DLG2: variants seen among roughly 807,000 people sequenced by gnomAD.
The protein encoded by DLG2 is disks large homolog 2.
Under a neutral mutation model 132.5 loss-of-function variants are expected in DLG2, and 45 were observed. The observed-to-expected ratio is 0.34, with a 90% CI of 0.27 to 0.44. The LOEUF (loss-of-function observed/expected upper bound fraction) is 0.44. DLG2 is among the 20% of genes least tolerant of loss of function. The pLI, the probability that DLG2 is intolerant of heterozygous loss-of-function variation, is 1.00. For missense variants in DLG2, 1,045 were observed against 1,196.9 expected (o/e 0.87, Z 1.87); for synonymous variants, 424 against 419.6 (o/e 1.01, Z -0.13).
At chr11:83,672,475 C>G (rs913089742) in intron 18 of DLG2, among the ~76,000 whole-genome samples, 1 of 152,144 alleles carries the variant, frequency 6.6e-6, no homozygotes, top group East Asian at 1.9e-4. Context: ...CCGTGCCCGG[C>G]CTCCTTGATT....
intron 14 of DLG2, among the ~76,000 whole-genome samples, chr11:83,948,003 T>C (rs971638534): frequency 2.6e-5 from 4 of 152,232 alleles, no homozygotes; most frequent in African/African-American, 9.6e-5. Context: ...ATCTGTGCAG[T>C]ACTAGATAGC....
chr11:84,037,318 A>C (rs2154099814), intron 11 of DLG2, among the ~76,000 whole-genome samples: 1 of 152,280 alleles, frequency 6.6e-6, no homozygotes, highest in East Asian at 1.9e-4. Context: ...TCAATTCATC[A>C]GAAAATCAAA....
intron 6 of DLG2, among the ~76,000 whole-genome samples, chr11:84,834,728 G>A (rs569549224): frequency 2.0e-5 from 3 of 150,196 alleles, no homozygotes; most frequent in South Asian, 4.2e-4. Context: ...GAGAGCTGCT[G>A]TAAGATACAC....
chr11:84,322,740 C>T (rs1480424735), intron 7 of DLG2, among the ~76,000 whole-genome samples: 1 of 151,992 alleles, frequency 6.6e-6, no homozygotes, highest in African/African-American at 2.4e-5. Context: ...CAGGCATGCA[C>T]CACTACACCC....
Position 85,310,514 on chromosome 11 carries a change from A to G in DLG2, c.41-25149T>C, listed in dbSNP as rs558496736. Among the ~76,000 whole-genome samples the G allele has an allele frequency of 3.9e-5, 6 of 152,246 alleles. No individual in the cohort carries two copies. In the East Asian group the frequency reaches 1.2e-3, roughly 29 times the overall value. ...TCCCTTCACCCAAGAGGCCTGGCCT[A>G]AAACAACCAGCAGATGTCTTGGGCA... On this transcript the variant is annotated intron_variant, in intron 3 of 27. Coordinates refer to ENST00000376104, the MANE Select transcript of DLG2 (RefSeq NM_001142699.3).
At chr11:84,494,325 T>G (rs533289849) in intron 7 of DLG2, among the ~76,000 whole-genome samples, 1 of 152,154 alleles carries the variant, frequency 6.6e-6, no homozygotes, top group African/African-American at 2.4e-5. Context: ...AGAAAGGAGG[T>G]GAAAAGTGCT....
In DLG2 at chr11:84,058,506, C is replaced by CAAT. The variant is rs900276483; in HGVS notation, c.919+806_919+808dup. On this transcript the variant is annotated intron_variant, in intron 11 of 27. Transcript: ENST00000376104. ...GTCTGTCTCTACCAAAAAACAAATA[C>CAAT]AATAATAATAATAATAATAATAATA... 9.3e-3 allele frequency among the ~76,000 whole-genome samples: 1,188 copies of CAAT among 128,118 alleles called. 14 individuals carry two copies. Among genetic ancestry groups the CAAT allele is most frequent in the Admixed American group, 9.0e-3 (121 of 13,448 alleles). The allele number at this position is 128,118 out of a possible 152,430, so 84.1% of individuals were successfully genotyped here.
intron 3 of DLG2, among the ~76,000 whole-genome samples, chr11:85,498,789 C>A (rs1456302775): frequency 6.6e-6 from 1 of 151,648 alleles, no homozygotes; most frequent in Non-Finnish European, 1.5e-5. Context: ...TAATCCTAAA[C>A]TGGCTCAAAT....
intron 7 of DLG2, among the ~76,000 whole-genome samples, chr11:84,524,905 G>A (rs1162132337): frequency 2.0e-5 from 3 of 146,820 alleles, no homozygotes; most frequent in Non-Finnish European, 4.5e-5. Context: ...TCTGCTATTT[G>A]GTCAACACCA....
intron 15 of DLG2, among the ~76,000 whole-genome samples, chr11:83,901,796 C>T (rs1045251696): frequency 3.3e-5 from 5 of 152,170 alleles, no homozygotes; most frequent in South Asian, 2.1e-4. Context: ...GATCCAGGAT[C>T]CACCACTGAA....
In DLG2 at chr11:85,004,079, C is replaced by T. The variant is rs141618205; in HGVS notation, c.357+107582G>A. ...CCTTTTTTATGGCTGCATACTATTCCATGGTCTATATGTGCCACATTTTCT... is the reference window on the plus strand; with the variant it reads ...CCTTTTTTATGGCTGCATACTATTCTATGGTCTATATGTGCCACATTTTCT... On this transcript the variant is annotated intron_variant, in intron 6 of 27. Coordinates refer to ENST00000376104, the MANE Select transcript of DLG2 (RefSeq NM_001142699.3). Among the ~76,000 whole-genome samples, 379 of 152,246 alleles carry T rather than the reference C, an allele frequency of 2.5e-3. 1 individual carries two copies. Among genetic ancestry groups the T allele is most frequent in the Non-Finnish European group, 4.5e-3 (304 of 68,034 alleles).
At chr11:83,957,921 T>C (rs548866534) in intron 14 of DLG2, among the ~76,000 whole-genome samples, 3 of 152,360 alleles carry the variant, frequency 2.0e-5, no homozygotes, top group South Asian at 4.1e-4. Flanking sequence ...CTGGTTATCC[T>C]ACTTCATATT....
intron 8 of DLG2, among the ~76,000 whole-genome samples, chr11:84,173,999 A>T (rs2095880698): frequency 5.6e-5 from 3 of 53,858 alleles, no homozygotes; most frequent in South Asian, 1.2e-3. Flanking sequence ...CTGAGTTTTG[A>T]CTTCACCCCC....
chr11:83,510,057 C>A (rs1385666896), intron 21 of DLG2, among the ~76,000 whole-genome samples: 1 of 152,198 alleles, frequency 6.6e-6, no homozygotes, highest in Non-Finnish European at 1.5e-5. Flanking sequence ...GGCCTGGGTC[C>A]TCCTTATCTA....
At chr11:85,067,532 C>G (rs1426515893) in intron 6 of DLG2, among the ~76,000 whole-genome samples, 1 of 151,824 alleles carries the variant, frequency 6.6e-6, no homozygotes, top group African/African-American at 2.4e-5. Context: ...CCCAGAGATT[C>G]TGGTATGTTG....
At chr11:84,894,644 A>T (rs2089939432) in intron 6 of DLG2, among the ~76,000 whole-genome samples, 1 of 152,196 alleles carries the variant, frequency 6.6e-6, no homozygotes, top group Non-Finnish European at 1.5e-5. Flanking sequence ...TTCTTTGAAG[A>T]GTAAGTAGCC....
chr11:85,063,390 A>G (rs2154160995), intron 6 of DLG2, among the ~76,000 whole-genome samples: 1 of 151,988 alleles, frequency 6.6e-6, no homozygotes, highest in South Asian at 2.1e-4. Flanking sequence ...CTATTATTAC[A>G]AAAGATGTAC....
intron 7 of DLG2, among the ~76,000 whole-genome samples, chr11:84,450,142 G>A (rs1391450525): frequency 6.6e-6 from 1 of 151,772 alleles, no homozygotes. Context: ...TTTGCCTAGA[G>A]GAATTAAGCT....
chr11:84,977,374 G>A (rs1176098812), intron 6 of DLG2, among the ~76,000 whole-genome samples: 1 of 152,148 alleles, frequency 6.6e-6, no homozygotes, highest in African/African-American at 2.4e-5. Context: ...GAGACGGCAA[G>A]TCATCCTTCA....
Sources: gnomAD v4.1 joint callset for allele counts (sites outside exome capture counted in the v4.1 genomes callset) on GRCh38, gnomAD v4.1.1 for gene constraint, MANE v1.5 for transcripts, NCBI Gene and HGNC (gene_info 2026-07-23, HGNC 2026-07-21) for gene names.